The following KCNQ2 variants were observed in gnomAD, a reference collection of about 807,000 sequenced individuals.
KCNQ2 encodes potassium voltage-gated channel subfamily KQT member 2.
KCNQ2 carries 14 observed loss-of-function variants against 84.8 expected under a neutral mutation model. The observed-to-expected ratio is 0.17, with a 90% CI of 0.11 to 0.26. KCNQ2 has a LOEUF of 0.26. Ranked by LOEUF, KCNQ2 falls within the 10% of genes least tolerant of loss-of-function variation. KCNQ2 has a pLI of 1.00. For synonymous variants in KCNQ2, 599 were observed against 554.1 expected, an observed-to-expected ratio of 1.08 and a Z score of -1.14; for missense variants, 788 against 1,254.0, an observed-to-expected ratio of 0.63 and a Z score of 5.61.
At chr20:63,412,255 GTTTGC>G (rs2080143076) in intron 15 of KCNQ2, 1 of 188,138 alleles carries the variant, frequency 5.3e-6, no homozygotes, top group Non-Finnish European at 1.1e-5. Flanking sequence ...TCCTTGGGGT[GTTTGC>G]TTTGTTTTGT....
At chr20:63,458,315 G>A (rs1207088895) in intron 1 of KCNQ2, among the ~76,000 whole-genome samples, 3 of 152,152 alleles carry the variant, frequency 2.0e-5, no homozygotes, top group African/African-American at 4.8e-5. Flanking sequence ...CCTGAAGATA[G>A]ACCCCACCCT....
chr20:63,427,856 T>C (rs141116710), intron 10 of KCNQ2, among the ~76,000 whole-genome samples: 1 of 152,266 alleles, frequency 6.6e-6, no homozygotes, highest in Non-Finnish European at 1.5e-5. Context: ...CTTTCAGACA[T>C]GGAACTGCTT....
At chr20:63,418,043 C>CT (rs1416353735) in intron 12 of KCNQ2, among the ~76,000 whole-genome samples, 3 of 152,160 alleles carry the variant, frequency 2.0e-5, no homozygotes, top group African/African-American at 4.8e-5. Flanking sequence ...ATGTCCTTCC[C>CT]TCCCCTGGAC....
In KCNQ2 at chr20:63,407,900, C is replaced by A; in HGVS notation, c.1887+513G>T. ...GTTGGGGCGTGTGTTCAGAGCCAGG[C>A]CCTCCTGCTGCCCACCGTGGAACCC... On this transcript the variant is annotated intron_variant, in intron 16 of 16. Transcript: ENST00000359125. This position sits in a 1 kb window ranked among gnomAD's most constrained non-coding sequence, Gnocchi z 7.2. 4.7e-6 allele frequency: 1 copy of A among 214,330 alleles called. No individual in the cohort carries two copies. Among genetic ancestry groups the A allele is most frequent in the Non-Finnish European group, 9.5e-6 (1 of 105,462 alleles). The allele number at this position is 214,330 out of a possible 1,614,324, so 13.3% of individuals were successfully genotyped here.
rs1401341383 is a variant in KCNQ2 at position 63,446,389 on chromosome 20, G to A, written c.387+358C>T. Among the ~76,000 whole-genome samples, 3 of 152,216 alleles carry A rather than the reference G, an allele frequency of 2.0e-5. No homozygotes were observed. The highest frequency in any genetic ancestry group is 2.4e-5 in the African/African-American group (1 of 41,454). ...CTGCAAGCGTCACAGCCCCCACCCC[G>A]ACGCCCACGTCTGCCGTCTGCTGGG... On this transcript the variant is annotated intron_variant, in intron 2 of 16. Coordinates refer to ENST00000359125, the MANE Select transcript of KCNQ2 (RefSeq NM_172107.4). This position sits in a 1 kb window ranked among gnomAD's most constrained non-coding sequence, Gnocchi z 5.5.
At chr20:63,440,870 TG>T (rs1337107307) in intron 5 of KCNQ2, among the ~76,000 whole-genome samples, 1 of 151,816 alleles carries the variant, frequency 6.6e-6, no homozygotes, top group Non-Finnish European at 1.5e-5. Flanking sequence ...GGCGGGAGGC[TG>T]GGCGAGGCCT....
chr20:63,421,150 G>T (rs1601594909), intron 11 of KCNQ2, among the ~76,000 whole-genome samples: 1 of 152,264 alleles, frequency 6.6e-6, no homozygotes, highest in Admixed American at 6.5e-5. Context: ...AACCTCCCAA[G>T]GTCTCCTGTT....
At position 63,413,287 on chromosome 20, in the gene KCNQ2, C is replaced by T. The variant is rs758437081; in HGVS notation, c.1763+163G>A. 6.6e-6 allele frequency: 5 copies of T among 752,316 alleles called. No homozygotes were observed. The South Asian group carries it at 7.2e-5, about 11-fold the overall frequency. 46.6% of individuals were successfully genotyped at this position (752,316 alleles called of 1,614,324 possible). A position where few individuals can be genotyped will look rare whatever the true frequency, so the allele number is the denominator to read the frequency against. On this transcript the variant is annotated intron_variant, in intron 15 of 16. Transcript: ENST00000359125. Reference sequence around the variant, plus strand: ...GGGAGAGACAGCAGAAATATTAAAACAGACTTTGTGAAGACACAACAGAAG... The same window carrying T: ...GGGAGAGACAGCAGAAATATTAAAATAGACTTTGTGAAGACACAACAGAAG...
chr20:63,441,053 C>T (rs1264732272), intron 5 of KCNQ2, among the ~76,000 whole-genome samples: 1 of 6,018 alleles, frequency 1.7e-4, no homozygotes, highest in Non-Finnish European at 3.4e-4. Flanking sequence ...CTGCAAGCTC[C>T]GCCTCCCAGG....
intron 10 of KCNQ2, among the ~76,000 whole-genome samples, chr20:63,427,603 C>T (rs112641577): frequency 0.012 from 1,760 of 152,334 alleles, 36 homozygotes; most frequent in African/African-American, 0.04. Context: ...GCTTCTGTGG[C>T]TCCAGGCAGC....
At chr20:63,459,434 T>C (rs1447385986) in intron 1 of KCNQ2, 1 of 151,894 alleles carries the variant, frequency 6.6e-6, no homozygotes, top group South Asian at 2.1e-4. Context: ...ATGGCTCGAG[T>C]CCAGGAGGTC....
chr20:63,429,127 C>A (rs2080718526), intron 9 of KCNQ2, among the ~76,000 whole-genome samples: 1 of 151,946 alleles, frequency 6.6e-6, no homozygotes, highest in Non-Finnish European at 1.5e-5. Flanking sequence ...TATGCAGGCA[C>A]CTCCTCACGT....
chr20:63,465,366 G>A (rs1005302621), intron 1 of KCNQ2, among the ~76,000 whole-genome samples: 3 of 152,180 alleles, frequency 2.0e-5, no homozygotes, highest in Non-Finnish European at 4.4e-5. Flanking sequence ...GGCTTCTCAG[G>A]GCCCACCCGC....
At chr20:63,411,801 C>T (rs925053445) in intron 15 of KCNQ2, 7 of 661,180 alleles carry the variant, frequency 1.1e-5, no homozygotes, top group African/African-American at 3.7e-5. Context: ...GTGACTCTCT[C>T]GGAGGGGCCG....
At chr20:63,459,057 T>C (rs1261995395) in intron 1 of KCNQ2, 1 of 152,078 alleles carries the variant, frequency 6.6e-6, no homozygotes, top group Non-Finnish European at 1.5e-5. Flanking sequence ...GGTGGGTAGA[T>C]AAACTGAGGT....
intron 1 of KCNQ2, among the ~76,000 whole-genome samples, chr20:63,455,560 C>T (rs1209863840): frequency 1.3e-5 from 2 of 152,058 alleles, no homozygotes; most frequent in Non-Finnish European, 1.5e-5. Context: ...CCTCCTGGGA[C>T]CTGGGACCCA....
chr20:63,429,209 C>A (rs1046783667), intron 9 of KCNQ2, among the ~76,000 whole-genome samples: 5 of 151,936 alleles, frequency 3.3e-5, no homozygotes, highest in African/African-American at 9.7e-5. Flanking sequence ...CTCCTCACCA[C>A]CCATGCCCTC....
chr20:63,454,095 C>T (rs992415744), intron 1 of KCNQ2, among the ~76,000 whole-genome samples: 4 of 152,154 alleles, frequency 2.6e-5, no homozygotes, highest in East Asian at 3.9e-4. Flanking sequence ...CGGATGCGGC[C>T]GAGATCTGTG....
chr20:63,457,232 A>C (rs1461481016), intron 1 of KCNQ2, among the ~76,000 whole-genome samples: 1 of 152,182 alleles, frequency 6.6e-6, no homozygotes, highest in Non-Finnish European at 1.5e-5. Context: ...TCTCGCGTGG[A>C]GCCGCCTCAT....
Sources: gnomAD v4.1 joint callset for allele counts (sites outside exome capture counted in the v4.1 genomes callset) on GRCh38, gnomAD v4.1.1 for gene constraint, Gnocchi (gnomAD v3.1) non-coding constraint, MANE v1.5 for transcripts, NCBI Gene and HGNC (gene_info 2026-07-23, HGNC 2026-07-21) for gene names.